The following TAB2 variants were observed in gnomAD, a reference collection of about 807,000 sequenced individuals.
The protein encoded by TAB2 is TGF-beta-activated kinase 1 and MAP3K7-binding protein 2.
Under a neutral mutation model 65.0 loss-of-function variants are expected in TAB2, and 3 were observed. That is an observed-to-expected ratio of 0.05 (90% CI 0.02 to 0.12). The LOEUF (loss-of-function observed/expected upper bound fraction) is 0.12, where lower values mean the gene tolerates loss of function less well. TAB2 is among the 10% of genes least tolerant of loss of function. TAB2 has a pLI of 1.00. For missense variants in TAB2, 623 were observed against 840.3 expected (o/e 0.74, Z 3.20); for synonymous variants, 298 against 285.1 (o/e 1.05, Z -0.46).
chr6:149,262,861 T>C (rs1778183806), intron 1 of TAB2, among the ~76,000 whole-genome samples: 1 of 152,182 alleles, frequency 6.6e-6, no homozygotes, highest in Non-Finnish European at 1.5e-5. Context: ...TGGAGTGCTG[T>C]GGCACGATTG....
intron 3 of TAB2, among the ~76,000 whole-genome samples, chr6:149,392,453 G>A (rs986432001): frequency 1.3e-5 from 2 of 152,168 alleles, no homozygotes; most frequent in Admixed American, 1.3e-4. Flanking sequence ...CTTCCCTTTA[G>A]GATGGAGAGA....
chr6:149,251,085 G>T (rs772194542), intron 1 of TAB2, among the ~76,000 whole-genome samples: 1 of 152,092 alleles, frequency 6.6e-6, no homozygotes. Context: ...CAGCTCTGTC[G>T]CTGTGAGTCA....
At position 149,228,952 on chromosome 6, in the gene TAB2, G is replaced by C. The variant is rs527394735; in HGVS notation, c.-121+10176G>C. 3.3e-5 allele frequency among the ~76,000 whole-genome samples: 5 copies of C among 152,310 alleles called. No homozygotes were observed. In the East Asian group the frequency reaches 9.7e-4, roughly 29 times the overall value. On this transcript the variant is annotated intron_variant, in intron 1 of 1. Coordinates refer to the TAB2 transcript ENST00000606202. ...CACACAGATGCTGAAAGCATTCTCT[G>C]GAGAGAGGGCACAGTGACCCCTCAA...
rs1365751264 is a variant in TAB2, at chr6:149,411,596, CTTATA to C, written c.*1880_*1884del. 3.9e-5 allele frequency: 6 copies of C among 153,542 alleles called. No individual in the cohort carries two copies. Among genetic ancestry groups the C allele is most frequent in the African/African-American group, 1.2e-4 (5 of 41,378 alleles). The allele number at this position is 153,542 out of a possible 1,614,324, so 9.5% of individuals were successfully genotyped here. A position where few individuals can be genotyped will look rare whatever the true frequency, so the allele number is the denominator to read the frequency against. On this transcript the variant is annotated 3_prime_UTR_variant, in exon 7 of 7. Transcript: ENST00000637181. ...TAAGTTATTTATAAAAATTAAAAAA[CTTATA>C]TTCTAATGTGGATTTTGTGACTTGT...
intron 3 of TAB2, among the ~76,000 whole-genome samples, chr6:149,396,634 A>G (rs1222973620): frequency 3.3e-5 from 5 of 152,260 alleles, no homozygotes; most frequent in African/African-American, 1.2e-4. Context: ...ATTCATGTCC[A>G]GGGACAGATC....
rs1340808753 is a variant in TAB2, at chr6:149,333,741, G to GTGTGTGTGTGTGTGTGTGTGTGTGTC, written c.-90+15731_-90+15732insGTGTGTGTGTGTGTGTGTGTCTGTGT. 7.9e-5 allele frequency among the ~76,000 whole-genome samples: 12 copies of GTGTGTGTGTGTGTGTGTGTGTGTGTC among 151,014 alleles called. No homozygotes were observed. In the East Asian group the frequency reaches 2.3e-3, roughly 29 times the overall value. On this transcript the variant is annotated intron_variant, in intron 1 of 6. Coordinates refer to ENST00000637181, the MANE Select transcript of TAB2 (RefSeq NM_001292034.3). ...TGTGTGTGTGTGTGTGTGTGTGTGT[G>GTGTGTGTGTGTGTGTGTGTGTGTGTC]TGTGTCTATGTGTCTGTGTGTACAG...
At chr6:149,382,548 A>T (rs896319255) in intron 3 of TAB2, among the ~76,000 whole-genome samples, 1 of 151,842 alleles carries the variant, frequency 6.6e-6, no homozygotes, top group Non-Finnish European at 1.5e-5. Context: ...GTGAGCCGAG[A>T]TCATGCCATT....
At chr6:149,353,101 TGGA>T (rs1045637047) in intron 1 of TAB2, among the ~76,000 whole-genome samples, 8 of 152,108 alleles carry the variant, frequency 5.3e-5, no homozygotes, top group African/African-American at 1.9e-4. Flanking sequence ...CAGTTACTGG[TGGA>T]GTATCTTGTT....
At chr6:149,331,841 TATTC>T (rs1325013398) in intron 1 of TAB2, among the ~76,000 whole-genome samples, 2 of 152,202 alleles carry the variant, frequency 1.3e-5, no homozygotes, top group Admixed American at 6.5e-5. Flanking sequence ...CCTTTTTAAA[TATTC>T]ACTCTGCTGT....
chr6:149,409,784 GAA>G lies in TAB2; in HGVS notation c.*69_*70del. 6.3e-7 allele frequency: 1 copy of G among 1,591,094 alleles called. No individual in the cohort carries two copies. On this transcript the variant is annotated 3_prime_UTR_variant, in exon 7 of 7. Transcript: ENST00000637181. ...GTTCAAGAAACTAGTCTGTCATCGG[GAA>G]AAAGTTTCACTGCTACATAGGATTT...
chr6:149,343,574 A>G (rs1311791545), intron 1 of TAB2, among the ~76,000 whole-genome samples: 4 of 152,230 alleles, frequency 2.6e-5, no homozygotes, highest in Non-Finnish European at 2.9e-5. Flanking sequence ...TTACCTGAAG[A>G]ATTTAGTTAT....
Position 149,398,026 on chromosome 6 carries a change from T to A in TAB2, c.1822T>A (p.Cys608Ser). 1 of 1,613,960 alleles carries A rather than the reference T, an allele frequency of 6.2e-7. No individual in the cohort carries two copies. Among genetic ancestry groups the A allele is most frequent in the Non-Finnish European group, 8.5e-7 (1 of 1,179,950 alleles). ...CNRQLQIDID[C>S]LTKEIDLFQA... ...TAGACAACTCCAGATTGACATTGAC[T>A]GCTTAACCAAAGAAATTGATCTTTT... The change falls in exon 5 of 7, where the codon TGC (cysteine) becomes AGC (serine). Residue 608 changes from cysteine (C) to serine (S), a missense_variant. Cys to Ser is a moderately radical substitution (Grantham distance 112, BLOSUM62 -1). Coordinates refer to ENST00000637181, the MANE Select transcript of TAB2 (RefSeq NM_001292034.3).
At chr6:149,269,945 G>T (rs1019836621) in intron 1 of TAB2, among the ~76,000 whole-genome samples, 2 of 152,100 alleles carry the variant, frequency 1.3e-5, no homozygotes. Context: ...TTCATTTCAC[G>T]TGGGTAAATA....
chr6:149,297,709 T>G (rs1448198183), intron 1 of TAB2, among the ~76,000 whole-genome samples: 5 of 152,092 alleles, frequency 3.3e-5, no homozygotes, highest in Admixed American at 6.6e-5. Flanking sequence ...TGTTTTTATT[T>G]TTTTGTAGAG....
intron 1 of TAB2, among the ~76,000 whole-genome samples, chr6:149,359,841 C>A (rs933036750): frequency 6.6e-6 from 1 of 152,158 alleles, no homozygotes; most frequent in African/African-American, 2.4e-5. Context: ...TTTTTCATAA[C>A]AGAAGAGGTT....
At chr6:149,224,097 C>T (rs908967366) in intron 1 of TAB2, among the ~76,000 whole-genome samples, 1 of 152,138 alleles carries the variant, frequency 6.6e-6, no homozygotes, top group Non-Finnish European at 1.5e-5. Context: ...GCATGTTGGA[C>T]CCAGTTCCAA....
At chr6:149,373,105 C>A (rs1055843150) in intron 2 of TAB2, among the ~76,000 whole-genome samples, 3 of 152,154 alleles carry the variant, frequency 2.0e-5, no homozygotes, top group African/African-American at 7.2e-5. Context: ...CTACTCATAT[C>A]TTTTCCTTCT....
At chr6:149,239,636 A>G (rs1406172831) in intron 1 of TAB2, among the ~76,000 whole-genome samples, 3 of 152,182 alleles carry the variant, frequency 2.0e-5, no homozygotes, top group East Asian at 3.8e-4. Context: ...TACACACTTT[A>G]TTTTGTTCTC....
chr6:149,249,468 GTCTTTCTCTCTGTCTCTCTCTGTC>G (rs1374740104), intron 1 of TAB2, among the ~76,000 whole-genome samples: 2 of 150,690 alleles, frequency 1.3e-5, no homozygotes, highest in Non-Finnish European at 3.0e-5. Flanking sequence ...CTCTATCTCT[GTCTTTCTCTCTGTCTCTCTCTGTC>G]TCTTTCTCTC....
Sources: allele counts gnomAD v4.1 joint callset (sites outside exome capture counted in the v4.1 genomes callset), GRCh38; gene constraint gnomAD v4.1.1; transcripts MANE v1.5; gene names NCBI Gene and HGNC (gene_info 2026-07-23, HGNC 2026-07-21).